ABI2: variants seen among roughly 807,000 people sequenced by gnomAD.
ABI2 encodes the protein abelson interactor 2.
A neutral mutation model predicts 59.2 loss-of-function variants in ABI2; 25 were observed. That is an observed-to-expected ratio of 0.42 (90% confidence interval 0.31 to 0.59). The LOEUF is 0.59. Among genes scored for constraint, ABI2 ranks in the 20% least tolerant of loss-of-function variants. The pLI is 0.14. For missense variants in ABI2, 545 were observed against 681.8 expected (o/e 0.80, Z 2.23); for synonymous variants, 213 against 235.5 (o/e 0.90, Z 0.87).
At chr2:203,392,001 A>G (rs542902938) in intron 5 of ABI2, among the ~76,000 whole-genome samples, 10 of 152,168 alleles carry the variant, frequency 6.6e-5, no homozygotes, top group Admixed American at 2.6e-4. Flanking sequence ...GCATTAGTAT[A>G]GCCCAGAAGC....
intron 2 of ABI2, among the ~76,000 whole-genome samples, chr2:203,373,679 C>A (rs10172421): frequency 0.1 from 15,460 of 152,156 alleles, 904 homozygotes; most frequent in Non-Finnish European, 0.12. Flanking sequence ...TAGTGCTCTT[C>A]CCACCTTCCC....
chr2:203,365,286 C>T (rs771765247), intron 1 of ABI2, among the ~76,000 whole-genome samples: 1 of 151,880 alleles, frequency 6.6e-6, no homozygotes, highest in Non-Finnish European at 1.5e-5. Flanking sequence ...TTAGTTATAT[C>T]GTAGATATCT....
chr2:203,333,618 A>G (rs967906065), intron 1 of ABI2, among the ~76,000 whole-genome samples: 6 of 152,216 alleles, frequency 3.9e-5, no homozygotes, highest in African/African-American at 1.2e-4. Flanking sequence ...TCCTCAAGAA[A>G]TTAGTCCCTA....
intron 11 of ABI2, among the ~76,000 whole-genome samples, chr2:203,424,825 A>G (rs929273171): frequency 6.6e-6 from 1 of 152,208 alleles, no homozygotes; most frequent in African/African-American, 2.4e-5. Context: ...CTACCATTAT[A>G]AACAGTCTCT....
intron 4 of ABI2, among the ~76,000 whole-genome samples, chr2:203,387,067 T>C (rs976433313): frequency 8.0e-6 from 1 of 124,938 alleles, no homozygotes; most frequent in Non-Finnish European, 1.7e-5. Context: ...TTTTTTTTTT[T>C]TTTTTTTTTC....
intron 8 of ABI2, among the ~76,000 whole-genome samples, chr2:203,400,326 T>G (rs1415706499): frequency 6.6e-6 from 1 of 151,994 alleles, no homozygotes; most frequent in Non-Finnish European, 1.5e-5. Flanking sequence ...TGATCTGAAA[T>G]GATCCACCCG....
intron 2 of ABI2, among the ~76,000 whole-genome samples, chr2:203,377,849 T>G (rs898849762): frequency 3.3e-5 from 5 of 152,162 alleles, no homozygotes; most frequent in Non-Finnish European, 7.4e-5. Context: ...GAGGATGCAG[T>G]GAGCCATGAT....
intron 2 of ABI2, among the ~76,000 whole-genome samples, chr2:203,369,707 T>G (rs962903728): frequency 6.6e-6 from 1 of 152,196 alleles, no homozygotes; most frequent in African/African-American, 2.4e-5. Context: ...CGAACCTTCT[T>G]TTTTCAGAGT....
At chr2:203,416,040 C>T (rs116104837) in intron 10 of ABI2, among the ~76,000 whole-genome samples, 1,862 of 152,072 alleles carry the variant, frequency 0.012, 19 homozygotes, top group Middle Eastern at 0.02. Context: ...ATGAAGTAAC[C>T]CAAGTTTGTT....
At chr2:203,344,134 G>T (rs2081686432) in intron 1 of ABI2, among the ~76,000 whole-genome samples, 1 of 152,134 alleles carries the variant, frequency 6.6e-6, no homozygotes, top group Non-Finnish European at 1.5e-5. Context: ...TTTCCATTTG[G>T]TTCTTACTCC....
chr2:203,363,614 A>G (rs2093872176), intron 1 of ABI2, among the ~76,000 whole-genome samples: 1 of 152,140 alleles, frequency 6.6e-6, no homozygotes, highest in Non-Finnish European at 1.5e-5. Context: ...TAACTCCCAC[A>G]AATAAGTGAG....
At chr2:203,424,535 C>G in intron 11 of ABI2, among the ~76,000 whole-genome samples, 1 of 152,136 alleles carries the variant, frequency 6.6e-6, no homozygotes, top group East Asian at 1.9e-4. Context: ...GCTGGGACCA[C>G]AGACGTGCAC....
At chr2:203,421,626 A>G (rs2098210687) in intron 11 of ABI2, among the ~76,000 whole-genome samples, 1 of 152,224 alleles carries the variant, frequency 6.6e-6, no homozygotes, top group Admixed American at 6.5e-5. Context: ...GACTGAAGGT[A>G]TGATCTCAAG....
At chr2:203,400,653 T>C (rs1396480571) in intron 8 of ABI2, among the ~76,000 whole-genome samples, 1 of 152,212 alleles carries the variant, frequency 6.6e-6, no homozygotes, top group Non-Finnish European at 1.5e-5. Context: ...ACATGTAAGA[T>C]GTTTAAATGT....
chr2:203,397,021 T>C lies in ABI2; in HGVS notation c.1033+54T>C, dbSNP rs116474721. On this transcript the variant is annotated intron_variant, in intron 8 of 11. Coordinates refer to ENST00000261018, the MANE Select transcript of ABI2 (RefSeq NM_001375670.1). ...AGATGCAGTCATCTGGCTATTCTCT[T>C]ACTTGCACCTCTGATTTTTGTTTGT... 2.8e-4 allele frequency: 372 copies of C among 1,309,084 alleles called. 1 individual carries two copies. The African/African-American group carries it at 5.3e-3, about 19-fold the overall frequency. 81.1% of individuals were successfully genotyped at this position (1,309,084 alleles called of 1,614,324 possible).
chr2:203,338,505 C>G (rs2077467513), intron 1 of ABI2, among the ~76,000 whole-genome samples: 1 of 151,570 alleles, frequency 6.6e-6, no homozygotes, highest in Non-Finnish European at 1.5e-5. Context: ...AGTCTGGGAG[C>G]CCCCCCACCA....
intron 4 of ABI2, among the ~76,000 whole-genome samples, chr2:203,388,747 AT>A (rs201293538): frequency 5.9e-5 from 9 of 151,490 alleles, no homozygotes; most frequent in African/African-American, 1.5e-4. Context: ...ATTTTATGCT[AT>A]TTTTTTTGGT....
At chr2:203,386,369 G>A (rs1469291226) in intron 4 of ABI2, among the ~76,000 whole-genome samples, 1 of 149,670 alleles carries the variant, frequency 6.7e-6, no homozygotes, top group Non-Finnish European at 1.5e-5. Context: ...CTGTATCCTT[G>A]GGCTCAAATG....
intron 2 of ABI2, among the ~76,000 whole-genome samples, chr2:203,370,259 T>C (rs1351269640): frequency 6.6e-6 from 1 of 151,242 alleles, no homozygotes; most frequent in Non-Finnish European, 1.5e-5. Context: ...TGTACTTTTT[T>C]TTTTTTGGTT....
Sources: gnomAD v4.1 joint callset for allele counts (sites outside exome capture counted in the v4.1 genomes callset) on GRCh38, gnomAD v4.1.1 for gene constraint, MANE v1.5 for transcripts, NCBI Gene and HGNC (gene_info 2026-07-23, HGNC 2026-07-21) for gene names.